The following UBP1 variants were observed in gnomAD, a reference collection of about 807,000 sequenced individuals.
UBP1 encodes upstream-binding protein 1.
A neutral mutation model predicts 76.1 loss-of-function variants in UBP1; 22 were observed. The observed-to-expected ratio is 0.29, with a 90% confidence interval of 0.21 to 0.41. UBP1 has a LOEUF of 0.41. UBP1 is among the 10% of genes least tolerant of loss of function. The probability of loss-of-function intolerance (pLI) is 1.00; values close to 1 mark genes in which losing one functional copy is unlikely to be tolerated. For synonymous variants in UBP1, 224 were observed against 237.1 expected (o/e 0.94, Z 0.51); for missense variants, 436 against 668.1 (o/e 0.65, Z 3.83).
At chr3:33,440,443 C>G (rs1241378603), upstream of UBP1, 1 of 105,138 alleles carries the variant, frequency 9.5e-6, no homozygotes, top group Non-Finnish European at 2.0e-5. Flanking sequence ...CCCCGGCGTT[C>G]GCCCCACGCC....
At chr3:33,412,011 AC>A (rs1379617331) in intron 4 of UBP1, among the ~76,000 whole-genome samples, 20 of 152,060 alleles carry the variant, frequency 1.3e-4, no homozygotes, top group African/African-American at 4.8e-4. Flanking sequence ...ACATGGTGAA[AC>A]CCCGTCTCTA....
At chr3:33,412,598 GAC>G in intron 4 of UBP1, 122 bp downstream of exon 4, 2 of 540,552 alleles carry the variant, frequency 3.7e-6, no homozygotes, top group Admixed American at 3.3e-5. Flanking sequence ...AAAAAAAAAA[GAC>G]ACAAAATCCA....
chr3:33,436,578 G>A (rs1444788995), intron 1 of UBP1, among the ~76,000 whole-genome samples: 1 of 152,044 alleles, frequency 6.6e-6, no homozygotes, highest in Non-Finnish European at 1.5e-5. Context: ...AGCTATACAA[G>A]CCATTACTTC....
In UBP1 at chr3:33,439,931, G is replaced by C; in HGVS notation, c.-83C>G. On this transcript the variant is annotated 5_prime_UTR_variant, in exon 1 of 16. Transcript: ENST00000283629. ...CGGAGCTCCGCTGGCGCGTCCTGGG[G>C]GAGGGCGCGGGTGAAGCCTCCGGAG... The C allele has an allele frequency of 6.7e-7, 1 of 1,489,174 alleles. No homozygotes were observed. The highest frequency in any genetic ancestry group is 9.2e-7 in the Non-Finnish European group (1 of 1,090,118). 92.2% of individuals were successfully genotyped at this position (1,489,174 alleles called of 1,614,324 possible).
intron 15 of UBP1, chr3:33,392,272 TATTCAATAG>T (rs1325372038): frequency 6.7e-6 from 2 of 299,130 alleles, no homozygotes; most frequent in Non-Finnish European, 1.2e-5. Flanking sequence ...GATTCTGTTT[TATTCAATAG>T]ATCCACTGAG....
chr3:33,409,423 C>T, intron 6 of UBP1, 26 bp downstream of exon 6: 1 of 1,613,936 alleles, frequency 6.2e-7, no homozygotes, highest in Non-Finnish European at 8.5e-7. Flanking sequence ...GCCTTAATTA[C>T]AGAAAACCCG....
intron 1 of UBP1, 35 bp downstream of exon 1, chr3:33,439,701 G>A (rs2045259827): frequency 3.1e-6 from 5 of 1,605,286 alleles, no homozygotes; most frequent in South Asian, 2.2e-5. Flanking sequence ...TCCCCAAGGA[G>A]ACAGAGGCTT....
chr3:33,393,257 A>T, intron 14 of UBP1, 55 bp downstream of exon 14: 1 of 1,506,700 alleles, frequency 6.6e-7, no homozygotes, highest in Non-Finnish European at 8.9e-7. Flanking sequence ...TTCTACAATT[A>T]CATGTATAAA....
intron 1 of UBP1, among the ~76,000 whole-genome samples, chr3:33,427,793 C>A (rs773477002): frequency 1.2e-4 from 18 of 152,226 alleles, no homozygotes; most frequent in Non-Finnish European, 1.9e-4. Flanking sequence ...AAGGATCACA[C>A]GGTTAGCAAT....
intron 1 of UBP1, 139 bp from the exon 2 acceptor site, chr3:33,425,880 T>G (rs2045002441): frequency 1.4e-6 from 1 of 709,884 alleles, no homozygotes; most frequent in South Asian, 3.7e-5. Flanking sequence ...TTTTTTAAGA[T>G]CAGAAATTAT....
chr3:33,397,185 A>G, intron 11 of UBP1, 50 bp from the exon 12 acceptor site: 1 of 1,412,460 alleles, frequency 7.1e-7, no homozygotes, highest in Non-Finnish European at 9.7e-7. Context: ...AAAGAACAGA[A>G]CTGCTTTACA....
At chr3:33,411,072 CAA>C (rs893694272) in intron 5 of UBP1, among the ~76,000 whole-genome samples, 13 of 65,512 alleles carry the variant, frequency 2.0e-4, no homozygotes, top group Non-Finnish European at 2.2e-4. Context: ...AACTCCATCT[CAA>C]AAAAAAAAAA....
At chr3:33,429,329 G>A (rs1241855689) in intron 1 of UBP1, among the ~76,000 whole-genome samples, 2 of 151,936 alleles carry the variant, frequency 1.3e-5, no homozygotes, top group Non-Finnish European at 2.9e-5. Context: ...ATGTTAAACG[G>A]AACTAAAAGT....
intron 1 of UBP1, among the ~76,000 whole-genome samples, chr3:33,431,743 G>GAAA: frequency 8.7e-6 from 1 of 114,564 alleles, no homozygotes; most frequent in South Asian, 2.7e-4. Flanking sequence ...CCGTCTCAAA[G>GAAA]AAAAAAAAAA....
chr3:33,395,625 A>G (rs989557756), intron 13 of UBP1, among the ~76,000 whole-genome samples: 3 of 151,942 alleles, frequency 2.0e-5, no homozygotes, highest in Admixed American at 2.0e-4. Flanking sequence ...CGCGCCACAC[A>G]AGGTGCACAA....
intron 9 of UBP1, among the ~76,000 whole-genome samples, chr3:33,402,509 T>C (rs1157184169): frequency 6.6e-6 from 1 of 152,220 alleles, no homozygotes; most frequent in Admixed American, 6.5e-5. Context: ...ACACTGTTAA[T>C]GTTGTCTTTA....
chr3:33,413,547 A>C (rs1471061572), intron 3 of UBP1, among the ~76,000 whole-genome samples: 1 of 103,698 alleles, frequency 9.6e-6, no homozygotes, highest in South Asian at 2.7e-4. Context: ...ACTCCATCAC[A>C]AAAAAAAAAA....
chr3:33,434,418 C>A (rs141550999), intron 1 of UBP1, among the ~76,000 whole-genome samples: 35 of 151,276 alleles, frequency 2.3e-4, no homozygotes, highest in African/African-American at 6.1e-4. Context: ...CCTGCCTCAG[C>A]CTCCCAGTAG....
At chr3:33,425,327 T>G (rs2276710) in intron 2 of UBP1, among the ~76,000 whole-genome samples, 39,225 of 151,990 alleles carry the variant, frequency 0.26, 5,962 homozygotes, top group East Asian at 0.47. Flanking sequence ...CTGACTTCCT[T>G]TCCTACTTGC....
Sources: gnomAD v4.1 joint callset for allele counts (sites outside exome capture counted in the v4.1 genomes callset) on GRCh38, gnomAD v4.1.1 for gene constraint, MANE v1.5 for transcripts, NCBI Gene and HGNC (gene_info 2026-07-23, HGNC 2026-07-21) for gene names.